Variants in ZNF26 observed in about 807,000 individuals in gnomAD.
ZNF26 encodes the protein epididymis luminal protein 179.
Under a neutral mutation model 54.9 loss-of-function variants are expected in ZNF26, and 32 were observed. That is an observed-to-expected ratio of 0.58 (90% CI 0.44 to 0.78). ZNF26 has a LOEUF of 0.78. ZNF26 is among the 30% of genes least tolerant of loss of function. The pLI, the probability that ZNF26 is intolerant of heterozygous loss-of-function variation, is 0.00. For synonymous variants in ZNF26, 221 were observed against 209.2 expected, an observed-to-expected ratio of 1.06 and a Z score of -0.49; for missense variants, 524 against 634.0, an observed-to-expected ratio of 0.83 and a Z score of 1.86.
At chr12:132,990,635 C>T (rs1232032439) in intron 1 of ZNF26, among the ~76,000 whole-genome samples, 1 of 151,922 alleles carries the variant, frequency 6.6e-6, no homozygotes, top group Non-Finnish European at 1.5e-5. Flanking sequence ...GATTTTTTTC[C>T]TTAAATGTTT....
Position 133,010,290 on chromosome 12 carries a change from A to G in ZNF26, c.411A>G (p.Gln137=), listed in dbSNP as rs1286322063. 1 of 1,614,048 alleles carries G rather than the reference A, an allele frequency of 6.2e-7. No individual in the cohort carries two copies. The highest frequency in any genetic ancestry group is 1.3e-5 in the African/African-American group (1 of 75,030). ...LYNTRGKSLT[Q]NSAPSRSYLR... is the part of the protein sequence containing the mutation. Reference sequence around the variant, plus strand: ...ACACACGTGGAAAAAGTTTGACACAAAACTCAGCTCCAAGCAGAAGTTATT... The same window carrying G: ...ACACACGTGGAAAAAGTTTGACACAGAACTCAGCTCCAAGCAGAAGTTATT... The change falls in exon 4 of 4, where the codon CAA becomes CAG. Residue 137 remains glutamine, a synonymous_variant. Transcript: ENST00000328654.
Position 132,986,829 on chromosome 12 carries a change from G to T in ZNF26, c.-12G>T. The T allele has an allele frequency of 6.2e-7, 1 of 1,603,792 alleles. No homozygotes were observed. Among genetic ancestry groups the T allele is most frequent in the Non-Finnish European group, 8.5e-7 (1 of 1,175,228 alleles). On this transcript the variant is annotated 5_prime_UTR_variant, in exon 1 of 4. Transcript: ENST00000328654. ...CTGCCCCCGCAGGCAGCGCGCGAACGTGGGCGTGGGGATGGCCACCAGTTT... is the reference window on the plus strand; with the variant it reads ...CTGCCCCCGCAGGCAGCGCGCGAACTTGGGCGTGGGGATGGCCACCAGTTT...
At chr12:132,996,325 C>T (rs904880675) in intron 1 of ZNF26, among the ~76,000 whole-genome samples, 2 of 152,208 alleles carry the variant, frequency 1.3e-5, no homozygotes, top group Admixed American at 1.3e-4. Flanking sequence ...TCACTGTTCT[C>T]AAGCTGAGCA....
At position 133,016,067 on chromosome 12, in the gene ZNF26, T is replaced by C. The variant is rs1331179123; in HGVS notation, c.*4586T>C. 1 of 138,770 alleles carries C rather than the reference T, an allele frequency of 7.2e-6. No homozygotes were observed. Among genetic ancestry groups the C allele is most frequent in the Non-Finnish European group, 1.5e-5 (1 of 65,720 alleles). The allele number at this position is 138,770 out of a possible 1,614,324, so 8.6% of individuals were successfully genotyped here. ...GGTTTATTGTGAAAAAGTGTAGGGG[T>C]AATTTTTTTTTTTTTTTTTTTTTGA... On this transcript the variant is annotated 3_prime_UTR_variant, in exon 4 of 4. Transcript: ENST00000328654.
Position 133,017,812 on chromosome 12 carries a change from A to T in ZNF26, c.*6331A>T, listed in dbSNP as rs963685993. The T allele has an allele frequency of 6.6e-6, 1 of 152,264 alleles. No homozygotes were observed. Among genetic ancestry groups the T allele is most frequent in the Non-Finnish European group, 1.5e-5 (1 of 68,084 alleles). The allele number at this position is 152,264 out of a possible 1,614,324, so 9.4% of individuals were successfully genotyped here. ...ATCACAAGGTCTGGAGGTCAAGACC[A>T]TCCTCACTAACATGGTGAAACCCCA... On this transcript the variant is annotated 3_prime_UTR_variant, in exon 4 of 4. Transcript: ENST00000328654.
At position 133,012,604 on chromosome 12, in the gene ZNF26, T is replaced by TTTTTTTTTTTTTTTTTTTTTTTTTTTC. The variant is rs1953505751; in HGVS notation, c.*1128_*1129insTTTTTTTTTTTTTTTTTTTTTCTTTTT. 1.5e-5 allele frequency: 2 copies of TTTTTTTTTTTTTTTTTTTTTTTTTTTC among 137,892 alleles called. No homozygotes were observed. Among genetic ancestry groups the TTTTTTTTTTTTTTTTTTTTTTTTTTTC allele is most frequent in the African/African-American group, 5.6e-5 (2 of 35,620 alleles). 8.5% of individuals were successfully genotyped at this position (137,892 alleles called of 1,614,324 possible). A position where few individuals can be genotyped will look rare whatever the true frequency, so the allele number is the denominator to read the frequency against. ...TTTTTTTTTTTTTTTTTTTTTTTTT[T>TTTTTTTTTTTTTTTTTTTTTTTTTTTC]TTTTTGAGACTAAGTTTCACTCTTG... On this transcript the variant is annotated 3_prime_UTR_variant, in exon 4 of 4. Transcript: ENST00000328654.
chr12:133,005,984 G>A, intron 1 of ZNF26: 1 of 587,102 alleles, frequency 1.7e-6, no homozygotes, highest in Non-Finnish European at 2.1e-6. Context: ...CATGTGTTCT[G>A]TGTGATGCTT....
At chr12:132,992,229 T>G (rs917417486) in intron 1 of ZNF26, among the ~76,000 whole-genome samples, 18 of 152,322 alleles carry the variant, frequency 1.2e-4, no homozygotes, top group Middle Eastern at 3.4e-3. Context: ...GAAATAGCAA[T>G]AAATTATCTT....
At chr12:133,007,216 C>T (rs1362660149) in intron 2 of ZNF26, 48 bp downstream of exon 2, 1 of 1,597,590 alleles carries the variant, frequency 6.3e-7, no homozygotes, top group Non-Finnish European at 8.6e-7. Flanking sequence ...ATTAAATTGC[C>T]ATCCCTTTTT....
In ZNF26 at chr12:133,027,076, A is replaced by C. The variant is rs1953714820; in HGVS notation, c.*15595A>C. ...ATACTTCAAGCAGAACCTTACGAAC[A>C]GTATAATTAAAATGAGGAACCGCTG... On this transcript the variant is annotated 3_prime_UTR_variant, in exon 4 of 4. Coordinates refer to ENST00000328654, the MANE Select transcript of ZNF26 (RefSeq NM_019591.4). 2 of 152,106 alleles carry C rather than the reference A, an allele frequency of 1.3e-5. No homozygotes were observed. The highest frequency in any genetic ancestry group is 2.9e-5 in the Non-Finnish European group (2 of 68,038). 9.4% of individuals were successfully genotyped at this position (152,106 alleles called of 1,614,324 possible). A position where few individuals can be genotyped will look rare whatever the true frequency, so the allele number is the denominator to read the frequency against.
chr12:133,003,797 C>A (rs1336177939), intron 1 of ZNF26, among the ~76,000 whole-genome samples: 2 of 151,914 alleles, frequency 1.3e-5, no homozygotes, highest in Non-Finnish European at 2.9e-5. Flanking sequence ...AGAATAATGC[C>A]CGAGTATTGA....
At chr12:132,997,768 T>C (rs1244528023) in intron 1 of ZNF26, among the ~76,000 whole-genome samples, 1 of 152,188 alleles carries the variant, frequency 6.6e-6, no homozygotes, top group Admixed American at 6.6e-5. Flanking sequence ...ATTTGAATAA[T>C]AGAAATAGAA....
At position 133,017,343 on chromosome 12, in the gene ZNF26, C is replaced by T. The variant is rs1953578978; in HGVS notation, c.*5862C>T. 6.6e-6 allele frequency: 1 copy of T among 152,214 alleles called. No homozygotes were observed. The highest frequency in any genetic ancestry group is 1.5e-5 in the Non-Finnish European group (1 of 68,050). 9.4% of individuals were successfully genotyped at this position (152,214 alleles called of 1,614,324 possible). On this transcript the variant is annotated 3_prime_UTR_variant, in exon 4 of 4. Transcript: ENST00000328654. The stretch of plus-strand genomic sequence containing the variant: ...GTCACACCTTATGCTTACCCCACCA[C>T]CTAGAAGCGGCTGGTGTGACAGAGC...
rs2137264918 is a variant in ZNF26 at position 133,012,512 on chromosome 12, C to G, written c.*1031C>G. The G allele has an allele frequency of 6.7e-6, 1 of 150,198 alleles. No individual in the cohort carries two copies. The highest frequency in any genetic ancestry group is 2.1e-4 in the South Asian group (1 of 4,778). 9.3% of individuals were successfully genotyped at this position (150,198 alleles called of 1,614,324 possible). On this transcript the variant is annotated 3_prime_UTR_variant, in exon 4 of 4. Coordinates refer to ENST00000328654, the MANE Select transcript of ZNF26 (RefSeq NM_019591.4). ...ACTGTGGATACGATCCCTTTAGAACCTGCTTCTCTGATCTGTGTGTTTCCT... is the reference window on the plus strand; with the variant it reads ...ACTGTGGATACGATCCCTTTAGAACGTGCTTCTCTGATCTGTGTGTTTCCT...
Position 133,011,238 on chromosome 12 carries a change from C to G in ZNF26, c.1359C>G (p.Pro453=). The change falls in exon 4 of 4, where the codon CCC becomes CCG. Residue 453 remains proline (P), a synonymous_variant. Coordinates refer to ENST00000328654, the MANE Select transcript of ZNF26 (RefSeq NM_019591.4). ...IHQRTHSTEK[P]YECNECEKAY... ...AGAGAACTCATTCAACTGAGAAGCCCTATGAATGCAATGAATGTGAAAAAG... is the reference window on the plus strand; with the variant it reads ...AGAGAACTCATTCAACTGAGAAGCCGTATGAATGCAATGAATGTGAAAAAG... The G allele has an allele frequency of 1.2e-6, 2 of 1,614,038 alleles. No individual in the cohort carries two copies. The highest frequency in any genetic ancestry group is 8.5e-7 in the Non-Finnish European group (1 of 1,179,988).
Position 133,009,720 on chromosome 12 carries a change from T to TTC in ZNF26, c.257-416_257-415insTC, listed in dbSNP as rs1953427899. ...GCCTTTTTCTATTTCTTAAACCCTG[T>TTC]CAGTCAGGCTTCTTCCTCAGGAACT... is the stretch of plus-strand genomic sequence containing the variant. On this transcript the variant is annotated intron_variant, in intron 3 of 3. Coordinates refer to ENST00000328654, the MANE Select transcript of ZNF26 (RefSeq NM_019591.4). Among the ~76,000 whole-genome samples, 969 of 152,282 alleles carry TTC rather than the reference T, an allele frequency of 6.4e-3. 8 individuals are homozygous for TTC. Among genetic ancestry groups the TTC allele is most frequent in the African/African-American group, 0.022 (931 of 41,556 alleles).
intron 1 of ZNF26, among the ~76,000 whole-genome samples, chr12:132,994,064 A>C (rs1299213972): frequency 6.6e-6 from 1 of 152,160 alleles, no homozygotes; most frequent in Non-Finnish European, 1.5e-5. Context: ...CCAATATATT[A>C]GGCTCTGGGA....
intron 1 of ZNF26, among the ~76,000 whole-genome samples, chr12:132,990,754 T>C (rs1439397779): frequency 1.3e-5 from 2 of 152,226 alleles, no homozygotes; most frequent in Non-Finnish European, 2.9e-5. Context: ...TTTCTTTTTG[T>C]TCAGTTTTGG....
At position 133,010,886 on chromosome 12, in the gene ZNF26, A is replaced by C; in HGVS notation, c.1007A>C (p.His336Pro). Reference sequence around the variant, plus strand: ...TATCTCCTTGTTCACATCCGAATGCATACAGGAGAAAAACCCTATCAATGC... The same window carrying C: ...TATCTCCTTGTTCACATCCGAATGCCTACAGGAGAAAAACCCTATCAATGC... ...KSYLLVHIRM[H>P]TGEKPYQCSD... The change falls in exon 4 of 4, where the codon CAT becomes CCT. Residue 336 changes from histidine (H) to proline (P), a missense_variant. By Grantham distance (77) the His-to-Pro change is moderately conservative. Coordinates refer to ENST00000328654, the MANE Select transcript of ZNF26 (RefSeq NM_019591.4). The C allele has an allele frequency of 6.2e-7, 1 of 1,614,172 alleles. No individual in the cohort carries two copies. The highest frequency in any genetic ancestry group is 8.5e-7 in the Non-Finnish European group (1 of 1,180,048).
Sources: allele counts gnomAD v4.1 joint callset (sites outside exome capture counted in the v4.1 genomes callset), GRCh38; gene constraint gnomAD v4.1.1; transcripts MANE v1.5; gene names NCBI Gene and HGNC (gene_info 2026-07-23, HGNC 2026-07-21).